Variants in LPP observed in about 807,000 individuals in gnomAD.
The protein encoded by LPP is lipoma-preferred partner.
LPP carries 38 observed loss-of-function variants against 60.4 expected under a neutral mutation model. The observed-to-expected ratio is 0.63, with a 90% confidence interval of 0.49 to 0.83. LPP has a LOEUF of 0.83. Among genes scored for constraint, LPP ranks in the 40% least tolerant of loss-of-function variants. LPP has a pLI of 0.00. For synonymous variants in LPP, 328 were observed against 290.8 expected (o/e 1.13, Z -1.30); for missense variants, 902 against 783.6 (o/e 1.15, Z -1.80).
At chr3:188,398,565 A>G (rs1483085209) in intron 3 of LPP, among the ~76,000 whole-genome samples, 4 of 152,224 alleles carry the variant, frequency 2.6e-5, no homozygotes, top group Non-Finnish European at 5.9e-5. Flanking sequence ...GAGTGAATAC[A>G]TTGACATTTT....
chr3:188,451,520 G>A (rs116527106), intron 4 of LPP, among the ~76,000 whole-genome samples: 75 of 152,202 alleles, frequency 4.9e-4, no homozygotes, highest in African/African-American at 1.7e-3. Context: ...TAGGTACTTG[G>A]GAACAAAATT....
chr3:188,166,923 C>A lies in LPP; in HGVS notation c.-190+12671C>A, dbSNP rs78477635. On this transcript the variant is annotated intron_variant, in intron 1 of 11. Transcript: ENST00000617246. ...AAAACCACCACCACCTAATTGAGTACCTTCTTGGCACTTTGACTTTTCCTT... is the reference window on the plus strand; with the variant it reads ...AAAACCACCACCACCTAATTGAGTAACTTCTTGGCACTTTGACTTTTCCTT... Among the ~76,000 whole-genome samples, 182 of 152,238 alleles carry A rather than the reference C, an allele frequency of 1.2e-3. 1 individual carries two copies. The East Asian group carries it at 0.033, about 27-fold the overall frequency.
chr3:188,682,651 A>G (rs1859783686), intron 7 of LPP, among the ~76,000 whole-genome samples: 1 of 152,212 alleles, frequency 6.6e-6, no homozygotes, highest in African/African-American at 2.4e-5. Flanking sequence ...TATTCACCCT[A>G]ATTGTAGCTC....
chr3:188,205,989 A>C (rs993707125), intron 1 of LPP, among the ~76,000 whole-genome samples: 1 of 152,180 alleles, frequency 6.6e-6, no homozygotes, highest in Non-Finnish European at 1.5e-5. Context: ...TTAAAAAACC[A>C]CTGTGTCTAC....
chr3:188,586,602 A>G (rs760850971), intron 6 of LPP, among the ~76,000 whole-genome samples: 3 of 152,260 alleles, frequency 2.0e-5, no homozygotes, highest in Non-Finnish European at 4.4e-5. Context: ...TTTTACTAAA[A>G]CATGCTTAGA....
intron 6 of LPP, among the ~76,000 whole-genome samples, chr3:188,560,262 A>G (rs962986710): frequency 5.9e-5 from 9 of 152,070 alleles, no homozygotes; most frequent in Admixed American, 3.3e-4. Flanking sequence ...TCACTGGTTT[A>G]TCTCTGTGCT....
intron 2 of LPP, among the ~76,000 whole-genome samples, chr3:188,307,657 G>A (rs1751963079): frequency 6.6e-6 from 1 of 152,088 alleles, no homozygotes; most frequent in African/African-American, 2.4e-5. Flanking sequence ...TCAGTGCCTG[G>A]CACATAATAG....
In LPP at chr3:188,817,153, G is replaced by T. The variant is rs543014752; in HGVS notation, c.1411-49047G>T. On this transcript the variant is annotated intron_variant, in intron 9 of 11. Transcript: ENST00000617246. ...CCAACATGGTTATCAGAGCAATTGG[G>T]TCTATTTCCTATCATCTCTTCATGA... 3.5e-4 allele frequency among the ~76,000 whole-genome samples: 54 copies of T among 152,284 alleles called. 1 individual carries two copies. Among genetic ancestry groups the T allele is most frequent in the African/African-American group, 1.3e-3 (53 of 41,554 alleles).
At chr3:188,250,724 C>CCCTT in intron 2 of LPP, among the ~76,000 whole-genome samples, 2 of 118,602 alleles carry the variant, frequency 1.7e-5, no homozygotes, top group South Asian at 6.3e-4. Context: ...CTTTCTTTCT[C>CCCTT]TCTTTCTTTC....
intron 9 of LPP, among the ~76,000 whole-genome samples, chr3:188,789,709 A>G (rs1190814137): frequency 6.6e-6 from 1 of 152,222 alleles, no homozygotes; most frequent in Non-Finnish European, 1.5e-5. Flanking sequence ...TTTTGATTAT[A>G]TATTTTAAAA....
At chr3:188,417,675 A>T (rs78836390) in intron 4 of LPP, among the ~76,000 whole-genome samples, 4,649 of 152,278 alleles carry the variant, frequency 0.031, 249 homozygotes, top group African/African-American at 0.11. Context: ...ATATGATCTT[A>T]TACCACAGGC....
At chr3:188,865,068 A>G (rs1390324886) in intron 9 of LPP, among the ~76,000 whole-genome samples, 1 of 152,224 alleles carries the variant, frequency 6.6e-6, no homozygotes, top group African/African-American at 2.4e-5. Context: ...TCAGTTCTGC[A>G]TCTTTCTAAT....
At chr3:188,338,817 G>T (rs1407561423) in intron 2 of LPP, among the ~76,000 whole-genome samples, 1 of 152,112 alleles carries the variant, frequency 6.6e-6, no homozygotes, top group African/African-American at 2.4e-5. Context: ...ATAACACTTA[G>T]AATTTTTGTT....
At chr3:188,594,440 G>A (rs1339319424) in intron 6 of LPP, among the ~76,000 whole-genome samples, 2 of 152,158 alleles carry the variant, frequency 1.3e-5, no homozygotes, top group African/African-American at 2.4e-5. Flanking sequence ...TGTGTTCCAA[G>A]TAGGATTTGT....
At chr3:188,729,705 A>C (rs1254397748) in intron 8 of LPP, among the ~76,000 whole-genome samples, 2 of 152,104 alleles carry the variant, frequency 1.3e-5, no homozygotes, top group African/African-American at 2.4e-5. Flanking sequence ...GGCCAGGCAC[A>C]GTGGCTCACG....
chr3:188,881,139 C>CAAAAAAAAAAAGAAAAAAAAAAAAAA lies in LPP; in HGVS notation c.*6671_*6672insGAAAAAAAAAAAAAAAAAAAAAAAAA, dbSNP rs1769953712. 1.4e-5 allele frequency: 1 copy of CAAAAAAAAAAAGAAAAAAAAAAAAAA among 72,388 alleles called. No individual in the cohort carries two copies. The highest frequency in any genetic ancestry group is 3.1e-5 in the Non-Finnish European group (1 of 32,568). 4.5% of individuals were successfully genotyped at this position (72,388 alleles called of 1,614,324 possible). The stretch of plus-strand genomic sequence containing the variant: ...TGGGCGAAAGAGCGAGACTCCGTCT[C>CAAAAAAAAAAAGAAAAAAAAAAAAAA]AAAAAAAAAAAAAAAAAAATAGGAT... On this transcript the variant is annotated 3_prime_UTR_variant, in exon 12 of 12. Transcript: ENST00000617246.
intron 1 of LPP, among the ~76,000 whole-genome samples, chr3:188,221,395 G>A (rs1034717735): frequency 1.3e-5 from 2 of 152,004 alleles, no homozygotes; most frequent in African/African-American, 4.8e-5. Flanking sequence ...GAGGCTCTTC[G>A]ACACCCCTAG....
intron 7 of LPP, among the ~76,000 whole-genome samples, chr3:188,664,536 A>G (rs1305034701): frequency 6.6e-6 from 1 of 151,958 alleles, no homozygotes; most frequent in African/African-American, 2.4e-5. Context: ...TAAAAATTAT[A>G]TTTACCCTTA....
At chr3:188,325,605 T>G (rs941012864) in intron 2 of LPP, among the ~76,000 whole-genome samples, 1 of 152,338 alleles carries the variant, frequency 6.6e-6, no homozygotes, top group African/African-American at 2.4e-5. Flanking sequence ...CATTGCAAAC[T>G]GTTTTGGTGA....
Sources: allele counts gnomAD v4.1 joint callset (sites outside exome capture counted in the v4.1 genomes callset), GRCh38; gene constraint gnomAD v4.1.1; transcripts MANE v1.5; gene names NCBI Gene and HGNC (gene_info 2026-07-23, HGNC 2026-07-21).